HYDIN: variants seen among roughly 807,000 people sequenced by gnomAD.
HYDIN encodes the protein axonemal central pair apparatus protein HYDIN.
Under a neutral mutation model 403.9 loss-of-function variants are expected in HYDIN, and 132 were observed. The ratio of observed to expected loss-of-function variants is 0.33; its 90% CI spans 0.28 to 0.38. The LOEUF (loss-of-function observed/expected upper bound fraction) is 0.38. HYDIN is among the 10% of genes least tolerant of loss of function. The pLI is 1.00. For synonymous variants in HYDIN, 1,202 were observed against 1,891.7 expected (o/e 0.64, Z 9.46); for missense variants, 2,827 against 5,009.5 (o/e 0.56, Z 13.15).
chr16:71,092,684 G>C (rs1265613624), intron 11 of HYDIN, among the ~76,000 whole-genome samples: 129 of 144,032 alleles, frequency 9.0e-4, no homozygotes, highest in Non-Finnish European at 1.6e-3. Context: ...GAGTTCAAGT[G>C]ATTCTCCTGC....
At chr16:71,081,351 T>C (rs2144343296) in intron 12 of HYDIN, among the ~76,000 whole-genome samples, 1 of 150,944 alleles carries the variant, frequency 6.6e-6, no homozygotes, top group East Asian at 2.0e-4. Context: ...CTCATGAGCA[T>C]TTATTATATC....
chr16:71,228,792 C>G (rs1006682362), intron 1 of HYDIN, among the ~76,000 whole-genome samples: 45 of 152,286 alleles, frequency 3.0e-4, no homozygotes, highest in African/African-American at 1.1e-3. Flanking sequence ...TTGATCCAGC[C>G]ATCCCATTAC....
chr16:70,818,979 A>C (rs2036042422), intron 83 of HYDIN, among the ~76,000 whole-genome samples: 1 of 151,864 alleles, frequency 6.6e-6, no homozygotes, highest in Non-Finnish European at 1.5e-5. Context: ...CAATGGCATG[A>C]CTCGGCTCAC....
chr16:71,187,912 G>A (rs1322312227), intron 1 of HYDIN, among the ~76,000 whole-genome samples: 1 of 152,084 alleles, frequency 6.6e-6, no homozygotes, highest in African/African-American at 2.4e-5. Flanking sequence ...TGCTATAATT[G>A]GAGCTCCTTA....
chr16:71,226,004 T>G (rs1163107006), intron 1 of HYDIN, among the ~76,000 whole-genome samples: 1 of 152,166 alleles, frequency 6.6e-6, no homozygotes, highest in East Asian at 1.9e-4. Context: ...TAATCTATAC[T>G]CCAATGAAAT....
chr16:70,961,731 T>A (rs1043315849), intron 38 of HYDIN, among the ~76,000 whole-genome samples: 13 of 151,840 alleles, frequency 8.6e-5, no homozygotes, highest in Non-Finnish European at 1.9e-4. Flanking sequence ...AAACACAAAT[T>A]ACTGTGCCAA....
rs567172684 is a variant in HYDIN at position 71,120,904 on chromosome 16, C to T, written c.1228-5109G>A. On this transcript the variant is annotated intron_variant, in intron 9 of 85. Transcript: ENST00000393567. Reference sequence around the variant, plus strand: ...AACTTACATTTAGAAGAATGATCCACGTTTGCCCACTCAAATACTATGCTT... The same window carrying T: ...AACTTACATTTAGAAGAATGATCCATGTTTGCCCACTCAAATACTATGCTT... Among the ~76,000 whole-genome samples the T allele has an allele frequency of 9.2e-5, 14 of 152,288 alleles. No homozygotes were observed. The South Asian group carries it at 2.1e-3, about 23-fold the overall frequency.
At chr16:70,817,692 CCTT>C (rs1259734687) in intron 84 of HYDIN, among the ~76,000 whole-genome samples, 1 of 152,114 alleles carries the variant, frequency 6.6e-6, no homozygotes, top group East Asian at 1.9e-4. Flanking sequence ...CTATTACATC[CCTT>C]GTTTTCCTTT....
rs540484674 is a variant in HYDIN, at chr16:70,910,377, C to T, written c.8005-1516G>A. Among the ~76,000 whole-genome samples, 43 of 152,178 alleles carry T rather than the reference C, an allele frequency of 2.8e-4. No homozygotes were observed. The East Asian group carries it at 2.9e-3, about 10-fold the overall frequency. On this transcript the variant is annotated intron_variant, in intron 47 of 85. Transcript: ENST00000393567. ...TTACTTCACTTAGAATAATAGTCTC[C>T]GATATCATTCAGGTAGCTGTGAATG...
intron 7 of HYDIN, among the ~76,000 whole-genome samples, chr16:71,139,606 A>G (rs1236441334): frequency 6.6e-6 from 1 of 151,978 alleles, no homozygotes; most frequent in East Asian, 1.9e-4. Context: ...TAAATTAGAA[A>G]AAATTCAAAA....
In HYDIN at chr16:71,064,808, G is replaced by T. The variant is rs1230277368; in HGVS notation, c.2108C>A (p.Thr703Lys). ...CVVPALHLVN[T>K]EVDFGHCFLK... ...GAAGCAGTGCCCAAAGTCCACCTCT[G>T]TATTGACCAGGTGGAGGGCAGGTAC... Residue 703 changes from threonine to lysine, a missense_variant, in exon 16 of 86, where the codon ACA becomes AAA. Thr to Lys is a moderately conservative substitution (Grantham distance 78, BLOSUM62 -1). Coordinates refer to ENST00000393567, the MANE Select transcript of HYDIN (RefSeq NM_001270974.2). 2 of 1,611,786 alleles carry T rather than the reference G, an allele frequency of 1.2e-6. No homozygotes were observed. Among genetic ancestry groups the T allele is most frequent in the Non-Finnish European group, 1.7e-6 (2 of 1,178,880 alleles).
chr16:70,808,445 G>T (rs757634194), intron 85 of HYDIN, among the ~76,000 whole-genome samples: 1 of 152,128 alleles, frequency 6.6e-6, no homozygotes, highest in Admixed American at 6.5e-5. Context: ...GAGCAGAAGT[G>T]AAAGGTGTCA....
At chr16:71,175,494 A>G in intron 5 of HYDIN, 113 bp downstream of exon 5, 2 of 1,101,714 alleles carry the variant, frequency 1.8e-6, no homozygotes, top group Non-Finnish European at 2.6e-6. Context: ...ACCACCATCA[A>G]TACCACCACC....
rs1348599365 is a variant in HYDIN at position 70,806,289 on chromosome 16, T to A, written c.*1291A>T. ...GGTTTCAGGCATCTACTGGGCACCT[T>A]GGAATGTATCCCCTGAGGATGAGGG... On this transcript the variant is annotated 3_prime_UTR_variant, in exon 86 of 86. Coordinates refer to ENST00000393567, the MANE Select transcript of HYDIN (RefSeq NM_001270974.2). 6.6e-6 allele frequency among the ~76,000 whole-genome samples: 1 copy of A among 152,200 alleles called. No individual in the cohort carries two copies. The highest frequency in any genetic ancestry group is 1.5e-5 in the Non-Finnish European group (1 of 68,024).
At chr16:71,017,611 AAATT>A (rs1332873853) in intron 23 of HYDIN, among the ~76,000 whole-genome samples, 1 of 151,542 alleles carries the variant, frequency 6.6e-6, no homozygotes. Flanking sequence ...TAAAATAGTT[AAATT>A]AATAAAATCA....
chr16:71,061,540 C>T (rs1413925669), intron 17 of HYDIN, among the ~76,000 whole-genome samples: 1 of 152,040 alleles, frequency 6.6e-6, no homozygotes, highest in Non-Finnish European at 1.5e-5. Context: ...TCCATGAATC[C>T]CTCTTCCTCT....
chr16:71,171,163 G>A (rs576654872), intron 5 of HYDIN, among the ~76,000 whole-genome samples: 1 of 152,224 alleles, frequency 6.6e-6, no homozygotes, highest in East Asian at 1.9e-4. Flanking sequence ...GCTGCCAAGC[G>A]TGTTTCTGCC....
At chr16:71,074,850 G>A (rs1008684130) in intron 13 of HYDIN, among the ~76,000 whole-genome samples, 2 of 150,868 alleles carry the variant, frequency 1.3e-5, no homozygotes, top group African/African-American at 4.9e-5. Context: ...GGAGTCATGA[G>A]GCTTAAATTG....
chr16:70,819,386 T>C (rs1770405), intron 83 of HYDIN, among the ~76,000 whole-genome samples: 712 of 140,926 alleles, frequency 5.1e-3, no homozygotes, highest in African/African-American at 0.022. Context: ...TTTTAAAATT[T>C]AATTTAATTT....
Sources: gnomAD v4.1 joint callset for allele counts (sites outside exome capture counted in the v4.1 genomes callset) on GRCh38, gnomAD v4.1.1 for gene constraint, MANE v1.5 for transcripts, NCBI Gene and HGNC (gene_info 2026-07-23, HGNC 2026-07-21) for gene names.